The following FN1 variants were observed in gnomAD, a reference collection of about 807,000 sequenced individuals.
FN1 encodes fibronectin.
A neutral mutation model predicts 297.3 loss-of-function variants in FN1; 106 were observed. The ratio of observed to expected loss-of-function variants is 0.36; its 90% CI spans 0.30 to 0.42. The LOEUF is 0.42. FN1 is among the 10% of genes least tolerant of loss of function. The pLI, the probability that FN1 is intolerant of heterozygous loss-of-function variation, is 1.00. For missense variants in FN1, 2,690 were observed against 3,124.9 expected (o/e 0.86, Z 3.32); for synonymous variants, 1,149 against 1,152.6 (o/e 1.00, Z 0.06).
Position 215,435,837 on chromosome 2 carries a change from A to G in FN1, c.-35T>C. 6.6e-7 allele frequency: 1 copy of G among 1,516,540 alleles called. No individual in the cohort carries two copies. Among genetic ancestry groups the G allele is most frequent in the South Asian group, 1.2e-5 (1 of 82,658 alleles). 93.9% of individuals were successfully genotyped at this position (1,516,540 alleles called of 1,614,324 possible). Reference sequence around the variant, plus strand: ...GTGGGGGAGAGACGCCCGCACCGGGAGGCAAGTTGCCACCAAGTTTGCTTC... The same window carrying G: ...GTGGGGGAGAGACGCCCGCACCGGGGGGCAAGTTGCCACCAAGTTTGCTTC... On this transcript the variant is annotated 5_prime_UTR_variant, in exon 1 of 46. Coordinates refer to ENST00000354785, the MANE Select transcript of FN1 (RefSeq NM_212482.4).
chr2:215,379,398 A>G lies in FN1; in HGVS notation c.5435-81T>C, dbSNP rs1280006276. 6 of 1,325,844 alleles carry G rather than the reference A, an allele frequency of 4.5e-6. No individual in the cohort carries two copies. In the Admixed American group the frequency reaches 1.1e-4, roughly 23 times the overall value. The allele number at this position is 1,325,844 out of a possible 1,614,324, so 82.1% of individuals were successfully genotyped here. ...AATAAAGTGAGTTCCAAGAAGTAGA[A>G]TGGATTGTTCTTGTTGGGCTAGGTG... is the stretch of plus-strand genomic sequence containing the variant. On this transcript the variant is annotated intron_variant, in intron 33 of 45. Coordinates refer to ENST00000354785, the MANE Select transcript of FN1 (RefSeq NM_212482.4).
intron 28 of FN1, among the ~76,000 whole-genome samples, chr2:215,385,811 C>T (rs1184837043): frequency 6.9e-6 from 1 of 144,902 alleles, no homozygotes; most frequent in East Asian, 2.1e-4. Context: ...CAGAGTCTCC[C>T]TCTGTCACCA....
chr2:215,393,151 G>A lies in FN1; in HGVS notation c.3849C>T (p.Ile1283=), dbSNP rs552329557. 20 of 1,614,018 alleles carry A rather than the reference G, an allele frequency of 1.2e-5. No individual in the cohort carries two copies. The highest frequency in any genetic ancestry group is 1.3e-5 in the African/African-American group (1 of 74,976). Residue 1283 remains isoleucine (I), a synonymous_variant, in exon 25 of 46, where the codon ATC becomes ATT. Coordinates refer to ENST00000354785, the MANE Select transcript of FN1 (RefSeq NM_212482.4). ...LSFVDITDSS[I]GLRWTPLNSS... is the part of the protein sequence containing the mutation. Reference sequence around the variant, plus strand: ...AGTTTAGCGGGGTCCACCTCAGGCCGATGCTTGAATCGGTTATATCAACAA... The same window carrying A: ...AGTTTAGCGGGGTCCACCTCAGGCCAATGCTTGAATCGGTTATATCAACAA...
chr2:215,403,057 A>G (rs2061342803), intron 20 of FN1, among the ~76,000 whole-genome samples: 1 of 152,202 alleles, frequency 6.6e-6, no homozygotes, highest in African/African-American at 2.4e-5. Context: ...GGGCGCATTC[A>G]CTGAAATCTC....
chr2:215,419,711 A>C (rs1031660036), intron 11 of FN1, among the ~76,000 whole-genome samples: 1 of 152,216 alleles, frequency 6.6e-6, no homozygotes, highest in Non-Finnish European at 1.5e-5. Context: ...ACCCATATTA[A>C]TATAACTGGC....
At position 215,435,961 on chromosome 2, in the gene FN1, G is replaced by A. The variant is rs1366055232; in HGVS notation, c.-159C>T. The A allele has an allele frequency of 7.1e-6, 10 of 1,409,180 alleles. No individual in the cohort carries two copies. In the East Asian group the frequency reaches 1.3e-4, roughly 18 times the overall value. 87.3% of individuals were successfully genotyped at this position (1,409,180 alleles called of 1,614,324 possible). On this transcript the variant is annotated 5_prime_UTR_variant, in exon 1 of 46. Coordinates refer to ENST00000354785, the MANE Select transcript of FN1 (RefSeq NM_212482.4). ...AGGGTGGGGAAGGGGACGGGTGGAG[G>A]GACAGAAGGGATGCAGAGGACCAGA...
At position 215,391,938 on chromosome 2, in the gene FN1, G is replaced by A; in HGVS notation, c.4070-124C>T. ...AAACAGAATCATAATCATGCAAACA[G>A]TCTAATCTAAGTCTATTTTAAGTTA... is the stretch of plus-strand genomic sequence containing the variant. On this transcript the variant is annotated intron_variant, in intron 25 of 45. Coordinates refer to ENST00000354785, the MANE Select transcript of FN1 (RefSeq NM_212482.4). 3.7e-6 allele frequency: 3 copies of A among 816,140 alleles called. No individual in the cohort carries two copies. The South Asian group carries it at 4.5e-5, about 12-fold the overall frequency. The allele number at this position is 816,140 out of a possible 1,614,324, so 50.6% of individuals were successfully genotyped here. A position where few individuals can be genotyped will look rare whatever the true frequency, so the allele number is the denominator to read the frequency against.
Position 215,410,033 on chromosome 2 carries a change from C to T in FN1, c.2023G>A (p.Val675Met), listed in dbSNP as rs749734973. ...SYTIKGLKPG[V>M]VYEGQLISIQ... ...CTGATGAGCTGGCCCTCGTATACCACACCAGGCTTCAGGCCTTTGATGGTG... is the reference window on the plus strand; with the variant it reads ...CTGATGAGCTGGCCCTCGTATACCATACCAGGCTTCAGGCCTTTGATGGTG... Residue 675 changes from valine to methionine, a missense_variant, in exon 14 of 46, where the codon GTG becomes ATG. Around this residue, in one of 3 missense-constraint regions of FN1, gnomAD observed 876 missense variants for 1,058.1 expected, o/e 0.83. Transcript: ENST00000354785. 2 of 1,613,906 alleles carry T rather than the reference C, an allele frequency of 1.2e-6. No individual in the cohort carries two copies. The highest frequency in any genetic ancestry group is 1.7e-6 in the Non-Finnish European group (2 of 1,179,994).
intron 29 of FN1, 40 bp downstream of exon 29, chr2:215,384,820 T>C: frequency 7.5e-7 from 1 of 1,333,140 alleles, no homozygotes; most frequent in South Asian, 1.2e-5. Flanking sequence ...CAACAGAATC[T>C]GATTTAATCA....
intron 1 of FN1, 34 bp from the exon 2 acceptor site, chr2:215,434,858 A>C: frequency 6.2e-7 from 1 of 1,605,802 alleles, no homozygotes; most frequent in Non-Finnish European, 8.5e-7. Context: ...TTACATTTGC[A>C]TTTCTCCTTT....
intron 20 of FN1, among the ~76,000 whole-genome samples, chr2:215,403,158 C>T (rs970218170): frequency 3.3e-5 from 5 of 152,112 alleles, no homozygotes; most frequent in African/African-American, 1.2e-4. Flanking sequence ...CTTAGACTAT[C>T]TTAGAACCGT....
At position 215,404,307 on chromosome 2, in the gene FN1, TG is replaced by T. The variant is rs879405093; in HGVS notation, c.3253+81del. 5.6e-4 allele frequency: 693 copies of T among 1,232,742 alleles called. 2 individuals are homozygous for T. Among genetic ancestry groups the T allele is most frequent in the East Asian group, 3.2e-3 (130 of 41,268 alleles). The allele number at this position is 1,232,742 out of a possible 1,614,324, so 76.4% of individuals were successfully genotyped here. ...TGTACTAATTTTTTAATGTTTTTTT[TG>T]TTTTGTTTTGTTTTGTTTTAAAGCA... On this transcript the variant is annotated intron_variant, in intron 20 of 45. Transcript: ENST00000354785.
rs13423742 is a variant in FN1 at position 215,423,073 on chromosome 2, C to G, written c.1393+277G>C. On this transcript the variant is annotated intron_variant, in intron 9 of 45. Transcript: ENST00000354785. ...GTGCAAATTCATATTTCCAGACTTA[C>G]AAATAAGTAATTATATTTTTGACAT... Among the ~76,000 whole-genome samples, 28,615 of 152,046 alleles carry G rather than the reference C, an allele frequency of 0.19. 3,509 individuals carry two copies. Among genetic ancestry groups the G allele is most frequent in the South Asian group, 0.4 (1,951 of 4,818 alleles).
Position 215,375,710 on chromosome 2 carries a change from G to C in FN1, c.5896C>G (p.Pro1966Ala). 1 of 1,605,968 alleles carries C rather than the reference G, an allele frequency of 6.2e-7. No individual in the cohort carries two copies. ...VRSYTITGLQ[P>A]GTDYKIYLYT... Reference sequence around the variant, plus strand: ...AGGTAGATCTTGTAGTCAGTGCCTGGTTGTAAACCTGGGATTTGAGAAGAG... The same window carrying C: ...AGGTAGATCTTGTAGTCAGTGCCTGCTTGTAAACCTGGGATTTGAGAAGAG... Residue 1966 changes from proline (P) to alanine (A), a missense_variant, in exon 37 of 46, where the codon CCA (proline) becomes GCA (alanine). Physicochemically the swap from Pro to Ala is conservative, Grantham distance 27. Coordinates refer to ENST00000354785, the MANE Select transcript of FN1 (RefSeq NM_212482.4).
At chr2:215,431,019 A>C (rs1427244769) in intron 4 of FN1, among the ~76,000 whole-genome samples, 167 bp from the exon 5 acceptor site, 1 of 152,244 alleles carries the variant, frequency 6.6e-6, no homozygotes, top group Non-Finnish European at 1.5e-5. Flanking sequence ...CACAGTAAGT[A>C]GCCAAGGCAA....
In FN1 at chr2:215,375,291, TTGA is replaced by T; in HGVS notation, c.6077_6079del (p.Ile2026del). On this transcript the variant is annotated inframe_deletion, in exon 38 of 46. Transcript: ENST00000354785. ...GGGAGGAGACCCAGGCTTCTCATACTTGATGATGTAGCCGGTAATCCTGGCACG... is the reference window on the plus strand; with the variant it reads ...GGGAGGAGACCCAGGCTTCTCATACTTGATGTAGCCGGTAATCCTGGCACG... 6.2e-7 allele frequency: 1 copy of T among 1,614,138 alleles called. No individual in the cohort carries two copies. Among genetic ancestry groups the T allele is most frequent in the Non-Finnish European group, 8.5e-7 (1 of 1,180,008 alleles).
chr2:215,361,747 T>TA lies in FN1; in HGVS notation c.7363-122dup, dbSNP rs1459467930. Reference sequence around the variant, plus strand: ...TTATAGATAGGATAATATTTCTTCCTAGTTTCAAGAACCTAGCAGCATACT... The same window carrying TA: ...TTATAGATAGGATAATATTTCTTCCTAAGTTTCAAGAACCTAGCAGCATACT... On this transcript the variant is annotated intron_variant, in intron 45 of 45. Transcript: ENST00000354785. 17 of 1,016,030 alleles carry TA rather than the reference T, an allele frequency of 1.7e-5. No individual in the cohort carries two copies. The African/African-American group carries it at 2.7e-4, about 16-fold the overall frequency. 62.9% of individuals were successfully genotyped at this position (1,016,030 alleles called of 1,614,324 possible).
Position 215,365,624 on chromosome 2 carries a change from C to T in FN1, c.7025G>A (p.Cys2342Tyr). 6.2e-7 allele frequency: 1 copy of T among 1,613,944 alleles called. No homozygotes were observed. Among genetic ancestry groups the T allele is most frequent in the Non-Finnish European group, 8.5e-7 (1 of 1,179,898 alleles). Reference protein sequence around the residue: ...GHFRCDSSRWCHDNGVNYKIG... With the variant: ...GHFRCDSSRWYHDNGVNYKIG... ...CTTGTAGTTCACACCATTGTCATGG[C>T]ACCATCCTGTAGGGGTGGGGAAAGT... is the stretch of plus-strand genomic sequence containing the variant. Residue 2342 changes from cysteine to tyrosine, a missense_variant, in exon 43 of 46, where the codon TGC becomes TAC. By Grantham distance (194) the Cys-to-Tyr change is radical (BLOSUM62 -2). Coordinates refer to ENST00000354785, the MANE Select transcript of FN1 (RefSeq NM_212482.4).
chr2:215,393,139 C>G lies in FN1; in HGVS notation c.3861G>C (p.Trp1287Cys). 1 of 1,613,982 alleles carries G rather than the reference C, an allele frequency of 6.2e-7. No individual in the cohort carries two copies. Among genetic ancestry groups the G allele is most frequent in the Non-Finnish European group, 8.5e-7 (1 of 1,180,004 alleles). ...DITDSSIGLR[W>C]TPLNSSTIIG... ...TAATGGTGGAAGAGTTTAGCGGGGT[C>G]CACCTCAGGCCGATGCTTGAATCGG... Residue 1287 changes from tryptophan (W) to cysteine (C), a missense_variant, in exon 25 of 46, where the codon TGG (tryptophan) becomes TGC (cysteine). Around this residue, in one of 3 missense-constraint regions of FN1, gnomAD observed 1,743 missense variants for 1,945.2 expected, o/e 0.90. Transcript: ENST00000354785.
Sources: gnomAD v4.1 joint callset for allele counts (sites outside exome capture counted in the v4.1 genomes callset) on GRCh38, gnomAD v4.1.1 for gene constraint, gnomAD v4.1.1 regional missense constraint, MANE v1.5 for transcripts, NCBI Gene and HGNC (gene_info 2026-07-23, HGNC 2026-07-21) for gene names.